Variants in PLEKHH2 observed in about 807,000 individuals in gnomAD.
The protein encoded by PLEKHH2 is pleckstrin homology domain-containing family H member 2.
PLEKHH2 carries 129 observed loss-of-function variants against 187.9 expected under a neutral mutation model. That is an observed-to-expected ratio of 0.69 (90% CI 0.59 to 0.79). PLEKHH2 has a LOEUF of 0.79. Among genes scored for constraint, PLEKHH2 ranks in the 30% least tolerant of loss-of-function variants. The probability of loss-of-function intolerance (pLI) is 0.00; values close to 1 mark genes in which losing one functional copy is unlikely to be tolerated. For synonymous variants in PLEKHH2, 686 were observed against 605.6 expected (o/e 1.13, Z -1.95); for missense variants, 2,076 against 1,751.2 (o/e 1.19, Z -3.31).
At chr2:43,755,394 C>T (rs1308234140) in intron 25 of PLEKHH2, among the ~76,000 whole-genome samples, 1 of 152,166 alleles carries the variant, frequency 6.6e-6, no homozygotes, top group South Asian at 2.1e-4. Flanking sequence ...TGTATGCTGA[C>T]TTCTGTTGCT....
chr2:43,704,114 T>C lies in PLEKHH2; in HGVS notation c.1726+58T>C, dbSNP rs1669530270. 3.3e-6 allele frequency: 4 copies of C among 1,203,176 alleles called. No individual in the cohort carries two copies. In the South Asian group the frequency reaches 3.7e-5, roughly 11 times the overall value. 74.5% of individuals were successfully genotyped at this position (1,203,176 alleles called of 1,614,324 possible). On this transcript the variant is annotated intron_variant, in intron 9 of 29. Transcript: ENST00000282406. ...ACCTTGAGGACTTTGTGCTAAGGGA[T>C]AGTATAATACAAATACATGGTACAG...
intron 21 of PLEKHH2, among the ~76,000 whole-genome samples, chr2:43,742,214 T>C (rs1411645657): frequency 6.6e-6 from 1 of 151,988 alleles, no homozygotes; most frequent in Non-Finnish European, 1.5e-5. Context: ...GTTGACCAGG[T>C]TGGTCTTGAA....
At chr2:43,659,873 T>A (rs544581044) in intron 2 of PLEKHH2, among the ~76,000 whole-genome samples, 57 of 152,364 alleles carry the variant, frequency 3.7e-4, no homozygotes, top group African/African-American at 1.1e-3. Context: ...AGGCACTTTT[T>A]AAAAATTTTT....
intron 15 of PLEKHH2, among the ~76,000 whole-genome samples, chr2:43,716,108 T>C (rs561672380): frequency 7.2e-5 from 11 of 152,136 alleles, no homozygotes; most frequent in African/African-American, 2.7e-4. Flanking sequence ...TCTATACCTT[T>C]CAGTATGTTA....
intron 1 of PLEKHH2, among the ~76,000 whole-genome samples, chr2:43,640,111 T>A (rs191819580): frequency 2.6e-5 from 4 of 152,346 alleles, no homozygotes; most frequent in African/African-American, 9.6e-5. Context: ...CCTTGGCATA[T>A]GACCCAGCAA....
intron 11 of PLEKHH2, among the ~76,000 whole-genome samples, chr2:43,709,474 A>ATTTT (rs1263542456): frequency 3.9e-5 from 6 of 152,226 alleles, no homozygotes; most frequent in African/African-American, 1.4e-4. Flanking sequence ...TTATATATGT[A>ATTTT]AAATAGCTGT....
chr2:43,699,943 T>C lies in PLEKHH2; in HGVS notation c.985T>C (p.Ser329Pro), dbSNP rs1468013636. Residue 329 changes from serine (S) to proline (P), a missense_variant, in exon 8 of 30, where the codon TCT becomes CCT. By Grantham distance (74) the Ser-to-Pro change is moderately conservative. Transcript: ENST00000282406. ...GGGAAGTGAAATGTATCTGACAGCATCTGATGACAGCAGCTCTATATTTGA... is the reference window on the plus strand; with the variant it reads ...GGGAAGTGAAATGTATCTGACAGCACCTGATGACAGCAGCTCTATATTTGA... ...RMGSEMYLTA[S>P]DDSSSIFEEE... 1.2e-6 allele frequency: 2 copies of C among 1,613,948 alleles called. No individual in the cohort carries two copies. Among genetic ancestry groups the C allele is most frequent in the Non-Finnish European group, 1.7e-6 (2 of 1,179,980 alleles).
chr2:43,709,229 A>G (rs1669822741), intron 11 of PLEKHH2, among the ~76,000 whole-genome samples: 1 of 152,230 alleles, frequency 6.6e-6, no homozygotes, highest in South Asian at 2.1e-4. Context: ...TATTTTTAAA[A>G]TCTGTAAACT....
intron 2 of PLEKHH2, among the ~76,000 whole-genome samples, chr2:43,660,220 T>C (rs1666997480): frequency 1.3e-5 from 2 of 152,238 alleles, no homozygotes; most frequent in African/African-American, 4.8e-5. Context: ...AGTTTGTTCC[T>C]GTTTATTGTA....
chr2:43,691,199 A>G (rs1260292034), intron 3 of PLEKHH2, among the ~76,000 whole-genome samples: 1 of 152,086 alleles, frequency 6.6e-6, no homozygotes, highest in Non-Finnish European at 1.5e-5. Context: ...TTCTTGTCTC[A>G]CGACCAGGAA....
At chr2:43,749,591 G>A (rs1449155002) in intron 24 of PLEKHH2, among the ~76,000 whole-genome samples, 1 of 152,154 alleles carries the variant, frequency 6.6e-6, no homozygotes, top group Admixed American at 6.5e-5. Context: ...AAAACCTCAT[G>A]ACAATGTCTT....
At position 43,637,338 on chromosome 2, in the gene PLEKHH2, CA is replaced by C. The variant is rs1558391870; in HGVS notation, c.-44del. The C allele has an allele frequency of 6.6e-6, 1 of 152,442 alleles. No individual in the cohort carries two copies. Among genetic ancestry groups the C allele is most frequent in the Non-Finnish European group, 1.5e-5 (1 of 68,234 alleles). The allele number at this position is 152,442 out of a possible 1,614,324, so 9.4% of individuals were successfully genotyped here. ...TCCCGGGGGCCAGTCGCGGCCGGGA[CA>C]TCGGGCGCTGCGGCCGGGGACCCGC... On this transcript the variant is annotated 5_prime_UTR_variant, in exon 1 of 30. Coordinates refer to ENST00000282406, the MANE Select transcript of PLEKHH2 (RefSeq NM_172069.4).
Position 43,728,273 on chromosome 2 carries a change from G to A in PLEKHH2, c.2722-1364G>A, listed in dbSNP as rs573134651. Among the ~76,000 whole-genome samples, 80 of 151,736 alleles carry A rather than the reference G, an allele frequency of 5.3e-4. No homozygotes were observed. The South Asian group carries it at 0.017, about 31-fold the overall frequency. On this transcript the variant is annotated intron_variant, in intron 17 of 29. Transcript: ENST00000282406. ...GCAGGTGGATCACCTGAGGTCAGGAGTTCGAGACCAGCCTGGCCAATGTGG... is the reference window on the plus strand; with the variant it reads ...GCAGGTGGATCACCTGAGGTCAGGAATTCGAGACCAGCCTGGCCAATGTGG...
rs386354945 is a variant in PLEKHH2, at chr2:43,754,206, A to ACACAC, written c.3795+446_3795+447insCACAC. On this transcript the variant is annotated intron_variant, in intron 25 of 29. Transcript: ENST00000282406. ...CACACACACACACACACACACACAC[A>ACACAC]AAATTAATACTGACTTAATCAGAAT... 3.6e-3 allele frequency among the ~76,000 whole-genome samples: 371 copies of ACACAC among 101,900 alleles called. 4 individuals carry two copies. The highest frequency in any genetic ancestry group is 0.015 in the African/African-American group (345 of 22,532). 66.9% of individuals were successfully genotyped at this position (101,900 alleles called of 152,430 possible). A position where few individuals can be genotyped will look rare whatever the true frequency, so the allele number is the denominator to read the frequency against.
intron 15 of PLEKHH2, among the ~76,000 whole-genome samples, chr2:43,718,549 A>G (rs1175114129): frequency 6.6e-6 from 1 of 152,212 alleles, no homozygotes; most frequent in Non-Finnish European, 1.5e-5. Context: ...AAAAAAAAAA[A>G]AAATTCTAAT....
At chr2:43,654,527 C>A (rs1191826317) in intron 2 of PLEKHH2, among the ~76,000 whole-genome samples, 1 of 140,856 alleles carries the variant, frequency 7.1e-6, no homozygotes, top group Non-Finnish European at 1.5e-5. Flanking sequence ...AATTTCTGTT[C>A]TTTAAGTGTA....
chr2:43,710,798 C>T, intron 14 of PLEKHH2: 1 of 1,332,450 alleles, frequency 7.5e-7, no homozygotes, highest in Non-Finnish European at 9.6e-7. Flanking sequence ...CTTTACCTTT[C>T]TTCCTTTATA....
chr2:43,721,124 T>C (rs1670458077), intron 16 of PLEKHH2, among the ~76,000 whole-genome samples: 1 of 152,220 alleles, frequency 6.6e-6, no homozygotes, highest in Non-Finnish European at 1.5e-5. Flanking sequence ...AATCTATTTC[T>C]GTCCCAAGCC....
At position 43,675,289 on chromosome 2, in the gene PLEKHH2, G is replaced by A. The variant is rs115004278; in HGVS notation, c.124-3574G>A. 3.6e-4 allele frequency: 279 copies of A among 778,698 alleles called. 2 individuals carry two copies. The highest frequency in any genetic ancestry group is 3.5e-3 in the African/African-American group (198 of 57,260). 48.2% of individuals were successfully genotyped at this position (778,698 alleles called of 1,614,324 possible). On this transcript the variant is annotated intron_variant, in intron 2 of 29. Coordinates refer to ENST00000282406, the MANE Select transcript of PLEKHH2 (RefSeq NM_172069.4). ...ATATATGAATTATTGAATGAAGTAC[G>A]TATTTTACACTTACACTGTATCAGA...
Sources: allele counts gnomAD v4.1 joint callset (sites outside exome capture counted in the v4.1 genomes callset), GRCh38; gene constraint gnomAD v4.1.1; transcripts MANE v1.5; gene names NCBI Gene and HGNC (gene_info 2026-07-23, HGNC 2026-07-21).